Variants in TIMD4 observed in about 807,000 individuals in gnomAD.
TIMD4 encodes the protein T-cell immunoglobulin and mucin domain-containing protein 4.
Under a neutral mutation model 41.2 loss-of-function variants are expected in TIMD4, and 31 were observed. That is an observed-to-expected ratio of 0.75 (90% CI 0.57 to 1.01). The LOEUF (loss-of-function observed/expected upper bound fraction) is 1.01, where lower values mean the gene tolerates loss of function less well. TIMD4 is among the 50% of genes least tolerant of loss of function. The probability of loss-of-function intolerance (pLI) is 0.00; values close to 1 mark genes in which losing one functional copy is unlikely to be tolerated. For synonymous variants in TIMD4, 204 were observed against 177.1 expected (o/e 1.15, Z -1.21); for missense variants, 479 against 472.5 (o/e 1.01, Z -0.13).
At chr5:156,928,214 C>T (rs1759383302) in intron 5 of TIMD4, among the ~76,000 whole-genome samples, 1 of 152,088 alleles carries the variant, frequency 6.6e-6, no homozygotes, top group Admixed American at 6.6e-5. Flanking sequence ...AGGAGAATCG[C>T]TTGAACCCAG....
intron 6 of TIMD4, among the ~76,000 whole-genome samples, chr5:156,925,691 A>G (rs1486270475): frequency 6.6e-6 from 1 of 152,224 alleles, no homozygotes; most frequent in Non-Finnish European, 1.5e-5. Context: ...CGGAACACAC[A>G]ATGATCTTGC....
chr5:156,931,790 C>T (rs1759448281), intron 5 of TIMD4, among the ~76,000 whole-genome samples: 1 of 152,210 alleles, frequency 6.6e-6, no homozygotes, highest in Admixed American at 6.5e-5. Context: ...CATCCTGGGA[C>T]TCTCTGCCAT....
intron 5 of TIMD4, 69 bp from the exon 6 acceptor site, chr5:156,926,381 G>A (rs1759348119): frequency 6.6e-7 from 1 of 1,519,622 alleles, no homozygotes. Flanking sequence ...TCCTGAAATA[G>A]GTAATTAAGA....
chr5:156,920,727 G>A (rs1258340633), intron 7 of TIMD4, among the ~76,000 whole-genome samples: 1 of 152,170 alleles, frequency 6.6e-6, no homozygotes, highest in Non-Finnish European at 1.5e-5. Flanking sequence ...AACATTCTGG[G>A]CAATGGTGTT....
At chr5:156,924,542 C>G (rs1759311079) in intron 6 of TIMD4, 1 of 390,450 alleles carries the variant, frequency 2.6e-6, no homozygotes, top group African/African-American at 2.1e-5. Context: ...TACCCAGTTT[C>G]ATAGGATTAG....
Position 156,920,459 on chromosome 5 carries a change from A to T in TIMD4, c.1052+5T>A. On this transcript the variant is annotated splice_donor_5th_base_variant and intron_variant, in intron 8 of 8. Coordinates refer to ENST00000274532, the MANE Select transcript of TIMD4 (RefSeq NM_138379.3). The stretch of plus-strand genomic sequence containing the variant: ...TACAACACCCATTCATGCAAGATAG[A>T]TTACCTTGTGTGTTTCTGCGAACAA... 1 of 1,613,942 alleles carries T rather than the reference A, an allele frequency of 6.2e-7. No individual in the cohort carries two copies.
chr5:156,939,812 CTA>C (rs1444003787), intron 5 of TIMD4, among the ~76,000 whole-genome samples: 1 of 152,242 alleles, frequency 6.6e-6, no homozygotes, highest in Non-Finnish European at 1.5e-5. Context: ...TCATTCTAAT[CTA>C]GACACTCATG....
intron 5 of TIMD4, among the ~76,000 whole-genome samples, chr5:156,932,498 C>A (rs2113353593): frequency 6.6e-6 from 1 of 152,248 alleles, no homozygotes; most frequent in Non-Finnish European, 1.5e-5. Context: ...GAATTTTTAA[C>A]AGTAAGTACA....
Position 156,951,761 on chromosome 5 carries a change from T to C in TIMD4, c.430A>G (p.Thr144Ala). The C allele has an allele frequency of 6.2e-7, 1 of 1,614,010 alleles. No homozygotes were observed. Among genetic ancestry groups the C allele is most frequent in the Non-Finnish European group, 8.5e-7 (1 of 1,180,002 alleles). Residue 144 changes from threonine (T) to alanine (A), a missense_variant, in exon 3 of 9, where the codon ACC (threonine) becomes GCC (alanine). Thr to Ala is a moderately conservative substitution (Grantham distance 58, BLOSUM62 0). Transcript: ENST00000274532. The part of the protein sequence containing the change: ...ASTTTHRTAT[T>A]TTRRTTTTSP... ...GTTGTTGTTGTTCTGCGTGTGGTGG[T>C]GGTTGCTGTTCTGTGCGTGGTTGTT...
intron 8 of TIMD4, among the ~76,000 whole-genome samples, chr5:156,919,809 TGTGACCTTGAAAG>T: frequency 6.6e-6 from 1 of 152,234 alleles, no homozygotes; most frequent in East Asian, 1.9e-4. Context: ...GGTCTCTAAG[TGTGACCTTGAAAG>T]GTCACCTCGC....
At chr5:156,930,065 G>C (rs1759419059) in intron 5 of TIMD4, among the ~76,000 whole-genome samples, 1 of 152,170 alleles carries the variant, frequency 6.6e-6, no homozygotes, top group African/African-American at 2.4e-5. Flanking sequence ...CCGCCTACCA[G>C]GTTGAAGCGA....
chr5:156,955,473 A>G lies in TIMD4; in HGVS notation c.59-717T>C, dbSNP rs1759954637. On this transcript the variant is annotated intron_variant, in intron 1 of 8. Transcript: ENST00000274532. ...AGATCGAGACCATCCTGGCTAACAC[A>G]GTGAAACCCCGTCTCTACTAAAAAT... is the stretch of plus-strand genomic sequence containing the variant. 2.6e-5 allele frequency among the ~76,000 whole-genome samples: 4 copies of G among 152,044 alleles called. No individual in the cohort carries two copies. The South Asian group carries it at 8.3e-4, about 32-fold the overall frequency.
chr5:156,936,908 G>C (rs375135714), intron 5 of TIMD4, among the ~76,000 whole-genome samples: 2 of 149,818 alleles, frequency 1.3e-5, no homozygotes, highest in African/African-American at 5.0e-5. Context: ...CTCCAGCCTG[G>C]GTAAGAGAGC....
intron 7 of TIMD4, among the ~76,000 whole-genome samples, chr5:156,921,664 T>C (rs1474932351): frequency 1.4e-5 from 2 of 143,300 alleles, no homozygotes; most frequent in Non-Finnish European, 3.0e-5. Context: ...AAAACCAGGA[T>C]TGTTCATGGT....
At chr5:156,961,572 G>A (rs190552102) in intron 1 of TIMD4, among the ~76,000 whole-genome samples, 29 of 152,086 alleles carry the variant, frequency 1.9e-4, no homozygotes, top group African/African-American at 7.0e-4. Flanking sequence ...GGAGGCCGAG[G>A]TGAGTGGATC....
chr5:156,936,436 G>A (rs1265156541), intron 5 of TIMD4, among the ~76,000 whole-genome samples: 1 of 152,184 alleles, frequency 6.6e-6, no homozygotes, highest in African/African-American at 2.4e-5. Flanking sequence ...ATGCTCGTCA[G>A]TAGTTCCCAT....
chr5:156,961,246 A>T (rs1351747957), intron 1 of TIMD4, among the ~76,000 whole-genome samples: 2 of 152,198 alleles, frequency 1.3e-5, no homozygotes, highest in African/African-American at 4.8e-5. Flanking sequence ...GCTGGCGAGG[A>T]CGCAAAGAAA....
At chr5:156,940,410 G>A (rs1235431105) in intron 5 of TIMD4, among the ~76,000 whole-genome samples, 1 of 152,048 alleles carries the variant, frequency 6.6e-6, no homozygotes, top group African/African-American at 2.4e-5. Context: ...TCTCTGCCTG[G>A]CCGCCCATCG....
In TIMD4 at chr5:156,954,772, C is replaced by G. The variant is rs767834604; in HGVS notation, c.59-16G>C. The G allele has an allele frequency of 1.3e-6, 2 of 1,584,306 alleles. No individual in the cohort carries two copies. The highest frequency in any genetic ancestry group is 1.7e-6 in the Non-Finnish European group (2 of 1,164,236). On this transcript the variant is annotated splice_polypyrimidine_tract_variant and intron_variant, in intron 1 of 8. Coordinates refer to ENST00000274532, the MANE Select transcript of TIMD4 (RefSeq NM_138379.3). ...GTGACTGGTGCTGCAAGGAAAAATGCGAAATTTAGGTCATGCAGTACTGAA... is the reference window on the plus strand; with the variant it reads ...GTGACTGGTGCTGCAAGGAAAAATGGGAAATTTAGGTCATGCAGTACTGAA...
Sources: allele counts gnomAD v4.1 joint callset (sites outside exome capture counted in the v4.1 genomes callset), GRCh38; gene constraint gnomAD v4.1.1; transcripts MANE v1.5; gene names NCBI Gene and HGNC (gene_info 2026-07-23, HGNC 2026-07-21).